Variants in VEPH1 observed in about 807,000 individuals in gnomAD.
VEPH1 encodes the protein ventricular zone expressed PH domain containing 1, also known as ventricular zone-expressed PH domain-containing protein homolog 1.
In VEPH1, 80 loss-of-function variants were observed where a neutral mutation model predicts 85.2. The observed-to-expected ratio is 0.94, with a 90% confidence interval of 0.78 to 1.13. The LOEUF (loss-of-function observed/expected upper bound fraction) is 1.13, where lower values mean the gene tolerates loss of function less well. VEPH1 is among the 50% of genes most tolerant of loss of function. The pLI, the probability that VEPH1 is intolerant of heterozygous loss-of-function variation, is 0.00. For missense variants in VEPH1, 955 were observed against 980.5 expected (o/e 0.97, Z 0.35); for synonymous variants, 297 against 348.0 (o/e 0.85, Z 1.63).
At chr3:157,452,666 A>G (rs1182115572) in intron 4 of VEPH1, among the ~76,000 whole-genome samples, 2 of 117,854 alleles carry the variant, frequency 1.7e-5, no homozygotes, top group South Asian at 2.7e-4. Context: ...AAACATCTAT[A>G]TGTACATATG....
At chr3:157,407,636 C>A (rs1018093708) in intron 6 of VEPH1, among the ~76,000 whole-genome samples, 1 of 152,106 alleles carries the variant, frequency 6.6e-6, no homozygotes, top group Non-Finnish European at 1.5e-5. Flanking sequence ...ATATGCCTAC[C>A]CATTCAGCTG....
chr3:157,366,514 C>T (rs56089248), intron 7 of VEPH1, among the ~76,000 whole-genome samples: 6,559 of 152,140 alleles, frequency 0.043, 197 homozygotes, highest in Non-Finnish European at 0.067. Flanking sequence ...GTGGGTGGAT[C>T]ATTTGAGGTC....
intron 9 of VEPH1, among the ~76,000 whole-genome samples, chr3:157,350,613 CTATT>C (rs1488415950): frequency 6.6e-6 from 1 of 152,086 alleles, no homozygotes; most frequent in Non-Finnish European, 1.5e-5. Context: ...TATTTGCAAA[CTATT>C]CATACAACAG....
chr3:157,373,058 C>A (rs1267700544), intron 7 of VEPH1, among the ~76,000 whole-genome samples: 2 of 152,198 alleles, frequency 1.3e-5, no homozygotes, highest in Non-Finnish European at 2.9e-5. Context: ...TGTTCTAAAT[C>A]TGGTACATGA....
rs768987989 is a variant in VEPH1 at position 157,261,206 on chromosome 3, C to A, written c.2430G>T (p.Trp810Cys). 107 of 1,613,700 alleles carry A rather than the reference C, an allele frequency of 6.6e-5. 1 individual carries two copies. In the South Asian group the frequency reaches 1.1e-3, roughly 16 times the overall value. The change falls in exon 14 of 14, where the codon TGG (tryptophan) becomes TGT (cysteine). Residue 810 changes from tryptophan (W) to cysteine (C), a missense_variant. Trp to Cys is a radical substitution (Grantham distance 215, BLOSUM62 -2). Coordinates refer to ENST00000362010, the MANE Select transcript of VEPH1 (RefSeq NM_001167912.2). ...CAACTGCCACGTTGATGCACTGGAG[C>A]CATTCTTCTGCATTCTTCTCATCCT... ...KAKDEKNAEE[W>C]LQCINVAVAQ...
intron 5 of VEPH1, among the ~76,000 whole-genome samples, chr3:157,424,104 GGAGATAATT>G (rs1331292257): frequency 6.6e-6 from 1 of 152,142 alleles, no homozygotes. Context: ...GGACCTGGTG[GGAGATAATT>G]TGAATAATGG....
intron 5 of VEPH1, among the ~76,000 whole-genome samples, chr3:157,418,414 C>T (rs944788256): frequency 1.8e-4 from 27 of 152,148 alleles, no homozygotes; most frequent in African/African-American, 4.1e-4. Context: ...AAAACAGTGC[C>T]GTAACTTAAT....
intron 4 of VEPH1, among the ~76,000 whole-genome samples, chr3:157,448,743 A>T (rs375081950): frequency 6.6e-6 from 1 of 152,238 alleles, no homozygotes; most frequent in Non-Finnish European, 1.5e-5. Flanking sequence ...GTTACAAAAC[A>T]TCACATTTTA....
chr3:157,457,247 T>TGAA (rs1175939215), intron 4 of VEPH1, among the ~76,000 whole-genome samples: 1 of 152,218 alleles, frequency 6.6e-6, no homozygotes, highest in African/African-American at 2.4e-5. Flanking sequence ...GAGACTTTGC[T>TGAA]GAAGTTGTTT....
At chr3:157,291,540 A>G (rs1041194520) in intron 11 of VEPH1, among the ~76,000 whole-genome samples, 2 of 152,252 alleles carry the variant, frequency 1.3e-5, no homozygotes, top group African/African-American at 4.8e-5. Context: ...ACCATGGATA[A>G]AGAGATGAAA....
chr3:157,354,896 A>G (rs762991936), intron 9 of VEPH1, among the ~76,000 whole-genome samples: 12 of 152,152 alleles, frequency 7.9e-5, no homozygotes, highest in Non-Finnish European at 1.5e-4. Flanking sequence ...TCCACATTGC[A>G]GGTAGGGAGA....
chr3:157,376,972 C>T (rs1296081288), intron 7 of VEPH1, among the ~76,000 whole-genome samples: 1 of 152,102 alleles, frequency 6.6e-6, no homozygotes, highest in Non-Finnish European at 1.5e-5. Context: ...GACCTTTCTG[C>T]TTTGGGGGCA....
intron 4 of VEPH1, among the ~76,000 whole-genome samples, chr3:157,450,048 C>CTTTTTTTTTTTTTTTTTTTT (rs761761440): frequency 3.9e-5 from 3 of 77,324 alleles, no homozygotes; most frequent in Admixed American, 1.9e-4. Context: ...AGAATATTTA[C>CTTTTTTTTTTTTTTTTTTTT]TTTTTTTTTT....
intron 3 of VEPH1, among the ~76,000 whole-genome samples, chr3:157,462,722 C>A (rs1416241395): frequency 6.6e-6 from 1 of 152,148 alleles, no homozygotes; most frequent in African/African-American, 2.4e-5. Flanking sequence ...TTTTACACTC[C>A]TGCCCAATAT....
intron 3 of VEPH1, among the ~76,000 whole-genome samples, chr3:157,463,867 G>C (rs377756522): frequency 6.6e-6 from 1 of 152,184 alleles, no homozygotes; most frequent in African/African-American, 2.4e-5. Context: ...AGAGCAGAGA[G>C]AGATCCTGAG....
At chr3:157,407,706 T>G (rs928727143) in intron 6 of VEPH1, among the ~76,000 whole-genome samples, 7 of 152,132 alleles carry the variant, frequency 4.6e-5, no homozygotes, top group African/African-American at 1.7e-4. Context: ...CTCCCTAATT[T>G]CAGTCTGTTA....
intron 11 of VEPH1, among the ~76,000 whole-genome samples, chr3:157,293,495 G>T (rs1166079515): frequency 6.6e-6 from 1 of 152,110 alleles, no homozygotes; most frequent in African/African-American, 2.4e-5. Flanking sequence ...TATGTGTCTG[G>T]CTCCAAGTGG....
At chr3:157,434,154 T>A (rs906510641) in intron 4 of VEPH1, among the ~76,000 whole-genome samples, 1 of 152,208 alleles carries the variant, frequency 6.6e-6, no homozygotes, top group East Asian at 1.9e-4. Context: ...TTACTGATAT[T>A]ACTACTGCTA....
At chr3:157,472,598 T>C (rs1019083093) in intron 2 of VEPH1, among the ~76,000 whole-genome samples, 1 of 152,210 alleles carries the variant, frequency 6.6e-6, no homozygotes, top group African/African-American at 2.4e-5. Context: ...GAGTTTGTTA[T>C]ACAGATTACT....
Sources: allele counts gnomAD v4.1 joint callset (sites outside exome capture counted in the v4.1 genomes callset), GRCh38; gene constraint gnomAD v4.1.1; transcripts MANE v1.5; gene names NCBI Gene and HGNC (gene_info 2026-07-23, HGNC 2026-07-21).